Variants in IGF1R observed in about 807,000 individuals in gnomAD.
The protein encoded by IGF1R is insulin like growth factor 1 receptor, also known as insulin-like growth factor 1 receptor.
Under a neutral mutation model 144.6 loss-of-function variants are expected in IGF1R, and 44 were observed. The observed-to-expected ratio is 0.30, with a 90% confidence interval of 0.24 to 0.39. The LOEUF is 0.39. Ranked by LOEUF, IGF1R falls within the 10% of genes least tolerant of loss-of-function variation. The probability of loss-of-function intolerance (pLI) is 1.00; values close to 1 mark genes in which losing one functional copy is unlikely to be tolerated. For synonymous variants in IGF1R, 795 were observed against 722.8 expected (o/e 1.10, Z -1.60); for missense variants, 1,355 against 1,833.7 (o/e 0.74, Z 4.77).
At chr15:98,905,097 C>G (rs1453014683) in intron 5 of IGF1R, among the ~76,000 whole-genome samples, 1 of 152,174 alleles carries the variant, frequency 6.6e-6, no homozygotes. Context: ...GGAGATGAGG[C>G]TCAGACCTGA....
chr15:98,928,182 C>A (rs537359944), intron 13 of IGF1R, among the ~76,000 whole-genome samples: 1 of 152,134 alleles, frequency 6.6e-6, no homozygotes, highest in African/African-American at 2.4e-5. Context: ...CCAGGTCACT[C>A]GCCTTGGGGG....
In IGF1R at chr15:98,697,257, C is replaced by T. The variant is rs1038437815; in HGVS notation, c.95-10305C>T. Among the ~76,000 whole-genome samples the T allele has an allele frequency of 5.3e-4, 81 of 152,332 alleles. 1 individual carries two copies. The highest frequency in any genetic ancestry group is 1.9e-3 in the African/African-American group (79 of 41,578). ...AAATCAACGCAGTCGGTTGTGGCTT[C>T]TGCCCTTGAAACATCAGATAGTGAG... is the stretch of plus-strand genomic sequence containing the variant. On this transcript the variant is annotated intron_variant, in intron 1 of 20. Coordinates refer to ENST00000650285, the MANE Select transcript of IGF1R (RefSeq NM_000875.5).
chr15:98,682,103 C>A (rs906926388), intron 1 of IGF1R, among the ~76,000 whole-genome samples: 4 of 152,150 alleles, frequency 2.6e-5, no homozygotes, highest in African/African-American at 9.7e-5. Context: ...GGAGCAGAAC[C>A]GTTGGAACCT....
intron 2 of IGF1R, among the ~76,000 whole-genome samples, chr15:98,814,294 T>C (rs748558137): frequency 9.2e-5 from 14 of 152,142 alleles, no homozygotes; most frequent in Non-Finnish European, 1.9e-4. Flanking sequence ...AGTGAAAGCT[T>C]TTTTTAATGC....
intron 2 of IGF1R, among the ~76,000 whole-genome samples, chr15:98,746,473 TG>T (rs2054869175): frequency 6.6e-6 from 1 of 152,152 alleles, no homozygotes; most frequent in African/African-American, 2.4e-5. Flanking sequence ...GTCTTTTTAG[TG>T]TAACTTAGCA....
At position 98,957,528 on chromosome 15, in the gene IGF1R, C is replaced by G; in HGVS notation, c.*86C>G. The G allele has an allele frequency of 6.4e-7, 1 of 1,554,186 alleles. No individual in the cohort carries two copies. Among genetic ancestry groups the G allele is most frequent in the Non-Finnish European group, 8.8e-7 (1 of 1,133,090 alleles). On this transcript the variant is annotated 3_prime_UTR_variant, in exon 21 of 21. Coordinates refer to ENST00000650285, the MANE Select transcript of IGF1R (RefSeq NM_000875.5). ...GGAGAGAGAGTTTTAACAATCCATTCACAAGCCTCCTGTACCTCAGTGGAT... is the reference window on the plus strand; with the variant it reads ...GGAGAGAGAGTTTTAACAATCCATTGACAAGCCTCCTGTACCTCAGTGGAT...
At chr15:98,777,489 G>A (rs992479698) in intron 2 of IGF1R, among the ~76,000 whole-genome samples, 3 of 152,218 alleles carry the variant, frequency 2.0e-5, no homozygotes, top group Admixed American at 6.5e-5. Context: ...CACCGACCTC[G>A]GAAGTCTCTA....
At chr15:98,911,257 A>C in intron 6 of IGF1R, 58 bp from the exon 7 acceptor site, 1 of 1,609,494 alleles carries the variant, frequency 6.2e-7, no homozygotes, top group Non-Finnish European at 8.5e-7. Flanking sequence ...CAAGCAAGAC[A>C]GGTGCTTTTC....
chr15:98,783,334 G>C (rs1215563160), intron 2 of IGF1R, among the ~76,000 whole-genome samples: 3 of 151,952 alleles, frequency 2.0e-5, no homozygotes, highest in African/African-American at 7.3e-5. Flanking sequence ...CTTCATGCCT[G>C]GTTACAAACT....
chr15:98,916,926 G>A (rs372194689), intron 10 of IGF1R, 50 bp downstream of exon 10: 37 of 1,517,902 alleles, frequency 2.4e-5, no homozygotes, highest in Middle Eastern at 1.7e-4. Context: ...TGCTCAGGCC[G>A]GTTCTGTTGC....
At chr15:98,925,990 G>A (rs574076803) in intron 13 of IGF1R, among the ~76,000 whole-genome samples, 1 of 151,906 alleles carries the variant, frequency 6.6e-6, no homozygotes, top group East Asian at 1.9e-4. Context: ...AATGAAATAG[G>A]TATGTCAAAC....
At chr15:98,852,899 C>G (rs569840789) in intron 2 of IGF1R, among the ~76,000 whole-genome samples, 1 of 152,348 alleles carries the variant, frequency 6.6e-6, no homozygotes, top group East Asian at 1.9e-4. Context: ...TCCTGGTGAG[C>G]ACAGCATACT....
chr15:98,899,364 G>A, intron 4 of IGF1R, 113 bp from the exon 5 acceptor site: 2 of 1,023,162 alleles, frequency 2.0e-6, no homozygotes, highest in South Asian at 2.6e-5. Flanking sequence ...TGTGCTGGGA[G>A]CATCTCAGGG....
At chr15:98,952,330 A>ACACACACC (rs1264640788) in intron 20 of IGF1R, among the ~76,000 whole-genome samples, 1 of 151,200 alleles carries the variant, frequency 6.6e-6, no homozygotes, top group African/African-American at 2.4e-5. Flanking sequence ...ACACACACAC[A>ACACACACC]CTGCCCCTCA....
chr15:98,783,599 T>C (rs1302193151), intron 2 of IGF1R, among the ~76,000 whole-genome samples: 1 of 152,254 alleles, frequency 6.6e-6, no homozygotes, highest in Non-Finnish European at 1.5e-5. Flanking sequence ...ATTAGCATTT[T>C]GTAGTTTTTG....
intron 13 of IGF1R, among the ~76,000 whole-genome samples, chr15:98,929,076 C>T (rs2015839810): frequency 6.6e-6 from 1 of 151,960 alleles, no homozygotes; most frequent in Non-Finnish European, 1.5e-5. Context: ...AAATAGAATG[C>T]TTGCTGCTGC....
intron 2 of IGF1R, among the ~76,000 whole-genome samples, chr15:98,761,522 A>T (rs1253117625): frequency 1.3e-5 from 2 of 152,228 alleles, no homozygotes; most frequent in Admixed American, 1.3e-4. Context: ...TTTGTCTGAG[A>T]CTGGCTACCT....
intron 2 of IGF1R, among the ~76,000 whole-genome samples, chr15:98,784,872 CAG>C (rs1381679248): frequency 6.6e-6 from 1 of 152,160 alleles, no homozygotes; most frequent in African/African-American, 2.4e-5. Flanking sequence ...CATTTTATTG[CAG>C]AGACTTGAGC....
chr15:98,650,997 T>A (rs2052349548), intron 1 of IGF1R: 1 of 985,232 alleles, frequency 1.0e-6, no homozygotes, highest in Non-Finnish European at 1.2e-6. Context: ...GGCTTACTGG[T>A]ACATTCAAGA....
Sources: gnomAD v4.1 joint callset for allele counts (sites outside exome capture counted in the v4.1 genomes callset) on GRCh38, gnomAD v4.1.1 for gene constraint, MANE v1.5 for transcripts, NCBI Gene and HGNC (gene_info 2026-07-23, HGNC 2026-07-21) for gene names.